The following FCHO2 variants were observed in gnomAD, a reference collection of about 807,000 sequenced individuals.
FCHO2 encodes FCH and mu domain containing endocytic adaptor 2, also known as F-BAR domain only protein 2.
Under a neutral mutation model 114.1 loss-of-function variants are expected in FCHO2, and 43 were observed. That is an observed-to-expected ratio of 0.38 (90% CI 0.30 to 0.49). The LOEUF is 0.49. Ranked by LOEUF, FCHO2 falls within the 20% of genes least tolerant of loss-of-function variation. The pLI is 0.97. For missense variants in FCHO2, 807 were observed against 950.4 expected, an observed-to-expected ratio of 0.85 and a Z score of 1.98; for synonymous variants, 293 against 315.2, an observed-to-expected ratio of 0.93 and a Z score of 0.75.
intron 1 of FCHO2, among the ~76,000 whole-genome samples, chr5:72,962,721 C>T (rs561885417): frequency 1.7e-4 from 26 of 152,078 alleles, no homozygotes; most frequent in Admixed American, 3.3e-4. Context: ...GGTGAAACCC[C>T]GTCTCTACTA....
At chr5:73,057,047 C>G (rs148188420) in intron 16 of FCHO2, among the ~76,000 whole-genome samples, 1 of 151,946 alleles carries the variant, frequency 6.6e-6, no homozygotes, top group Non-Finnish European at 1.5e-5. Context: ...GCAGCCTCAA[C>G]GTCCCAGGCT....
chr5:72,997,113 CG>C lies in FCHO2; in HGVS notation c.495+6251del, dbSNP rs899678704. Reference sequence around the variant, plus strand: ...AAGAGGAAGATCATGGTGCTGGATCCGGATGAGATACTTATTCACTCCCACC... The same window carrying C: ...AAGAGGAAGATCATGGTGCTGGATCCGATGAGATACTTATTCACTCCCACC... On this transcript the variant is annotated intron_variant, in intron 5 of 25. Coordinates refer to ENST00000430046, the MANE Select transcript of FCHO2 (RefSeq NM_138782.3). The C allele has an allele frequency of 6.3e-5, 73 of 1,158,246 alleles. No individual in the cohort carries two copies. In the Middle Eastern group the frequency reaches 8.2e-4, roughly 13 times the overall value. 71.7% of individuals were successfully genotyped at this position (1,158,246 alleles called of 1,614,324 possible). A position where few individuals can be genotyped will look rare whatever the true frequency, so the allele number is the denominator to read the frequency against.
At chr5:73,031,876 G>A (rs552557053) in intron 8 of FCHO2, among the ~76,000 whole-genome samples, 32 of 152,264 alleles carry the variant, frequency 2.1e-4, no homozygotes, top group Non-Finnish European at 4.3e-4. Flanking sequence ...GCTAAGAGCA[G>A]TTATTTATTT....
intron 5 of FCHO2, among the ~76,000 whole-genome samples, chr5:72,999,378 C>CTTT (rs762347449): frequency 9.9e-5 from 10 of 100,532 alleles, no homozygotes; most frequent in Non-Finnish European, 1.5e-4. Context: ...ATTCACAGGC[C>CTTT]TTTTTTTTTT....
intron 5 of FCHO2, among the ~76,000 whole-genome samples, chr5:72,996,112 G>A (rs937798560): frequency 1.3e-5 from 2 of 151,874 alleles, no homozygotes; most frequent in African/African-American, 4.8e-5. Context: ...GCGTGGTAGC[G>A]GGCGCTTGTA....
rs951216136 is a variant in FCHO2, at chr5:73,016,018, T to C, written c.699+294T>C. ...CTTTTGAATATTTCTTTTTTCAAGC[T>C]TTACTATTTTTAAATTTAAAGCAGC... On this transcript the variant is annotated intron_variant, in intron 7 of 25. Transcript: ENST00000430046. 5.3e-5 allele frequency among the ~76,000 whole-genome samples: 8 copies of C among 152,170 alleles called. No homozygotes were observed. The South Asian group carries it at 1.2e-3, about 24-fold the overall frequency.
At chr5:73,074,405 C>T (rs1742815410) in intron 19 of FCHO2, among the ~76,000 whole-genome samples, 1 of 151,928 alleles carries the variant, frequency 6.6e-6, no homozygotes, top group Admixed American at 6.6e-5. Flanking sequence ...TTGATAGAAC[C>T]TGGAGGAATT....
chr5:72,962,017 C>T (rs1310196911), intron 1 of FCHO2, among the ~76,000 whole-genome samples: 1 of 152,184 alleles, frequency 6.6e-6, no homozygotes, highest in African/African-American at 2.4e-5. Flanking sequence ...CCCATTGCAA[C>T]AAGCTGTGAA....
chr5:73,068,831 A>G lies in FCHO2; in HGVS notation c.1579+52A>G, dbSNP rs528788087. 3.3e-6 allele frequency: 5 copies of G among 1,532,354 alleles called. No homozygotes were observed. In the Admixed American group the frequency reaches 8.2e-5, roughly 25 times the overall value. 94.9% of individuals were successfully genotyped at this position (1,532,354 alleles called of 1,614,324 possible). On this transcript the variant is annotated intron_variant, in intron 19 of 25. Transcript: ENST00000430046. ...GAAATGTAGTGTACAAAGTATATGT[A>G]TGCTAAATATGTATATATTTTTAAA...
At chr5:73,079,815 T>C (rs1471754644) in intron 22 of FCHO2, among the ~76,000 whole-genome samples, 2 of 152,198 alleles carry the variant, frequency 1.3e-5, no homozygotes, top group Admixed American at 1.3e-4. Context: ...ACTATGTTTC[T>C]TGAGTATGCA....
intron 8 of FCHO2, among the ~76,000 whole-genome samples, chr5:73,031,404 T>A (rs898135729): frequency 6.6e-6 from 1 of 152,144 alleles, no homozygotes; most frequent in Non-Finnish European, 1.5e-5. Flanking sequence ...GAGGGCAGTT[T>A]TTAACTAATG....
chr5:73,001,589 C>T (rs1264613818), intron 5 of FCHO2, among the ~76,000 whole-genome samples: 1 of 148,500 alleles, frequency 6.7e-6, no homozygotes, highest in African/African-American at 2.5e-5. Flanking sequence ...AAAGATGCTT[C>T]TTAAAGTTGA....
intron 2 of FCHO2, among the ~76,000 whole-genome samples, chr5:72,987,599 A>G (rs1753603173): frequency 6.6e-6 from 1 of 151,966 alleles, no homozygotes; most frequent in Non-Finnish European, 1.5e-5. Flanking sequence ...CGGCCTCCCA[A>G]AGTACTGGGA....
intron 1 of FCHO2, among the ~76,000 whole-genome samples, chr5:72,967,278 G>A (rs550034549): frequency 9.2e-5 from 14 of 152,260 alleles, no homozygotes; most frequent in Middle Eastern, 6.8e-3. Context: ...GAGTGAGACT[G>A]TCTCAAAAAC....
At chr5:73,079,690 C>G (rs191130669) in intron 22 of FCHO2, among the ~76,000 whole-genome samples, 232 of 152,294 alleles carry the variant, frequency 1.5e-3, no homozygotes, top group Admixed American at 5.4e-3. Flanking sequence ...TGCAGGTCCA[C>G]TTATACGAGG....
intron 5 of FCHO2, among the ~76,000 whole-genome samples, chr5:72,993,743 A>C (rs1170765373): frequency 6.6e-6 from 1 of 152,194 alleles, no homozygotes; most frequent in Non-Finnish European, 1.5e-5. Context: ...GGACCATTTG[A>C]GGAAGTAATG....
At chr5:72,960,336 G>C (rs762297327) in intron 1 of FCHO2, among the ~76,000 whole-genome samples, 27 of 152,048 alleles carry the variant, frequency 1.8e-4, no homozygotes, top group Non-Finnish European at 3.2e-4. Flanking sequence ...ACCTTTTACA[G>C]AACAGGTGTT....
chr5:73,014,349 C>T (rs1324351188), intron 6 of FCHO2, among the ~76,000 whole-genome samples: 3 of 148,216 alleles, frequency 2.0e-5, no homozygotes, highest in Admixed American at 1.4e-4. Flanking sequence ...AGTGCAATGG[C>T]GTGATCTCGG....
intron 6 of FCHO2, among the ~76,000 whole-genome samples, chr5:73,012,644 G>A (rs931896044): frequency 6.6e-6 from 1 of 150,416 alleles, no homozygotes; most frequent in East Asian, 2.0e-4. Flanking sequence ...AAAAATTAAT[G>A]TAACAATACA....
Sources: gnomAD v4.1 joint callset for allele counts (sites outside exome capture counted in the v4.1 genomes callset) on GRCh38, gnomAD v4.1.1 for gene constraint, MANE v1.5 for transcripts, NCBI Gene and HGNC (gene_info 2026-07-23, HGNC 2026-07-21) for gene names.